Variants in COPB1 observed in about 807,000 individuals in gnomAD.
The protein encoded by COPB1 is coatomer subunit beta.
A neutral mutation model predicts 108.7 loss-of-function variants in COPB1; 21 were observed. The ratio of observed to expected loss-of-function variants is 0.19; its 90% CI spans 0.14 to 0.28. The LOEUF is 0.28. COPB1 is among the 10% of genes least tolerant of loss of function. COPB1 has a pLI of 1.00. For synonymous variants in COPB1, 378 were observed against 386.8 expected (o/e 0.98, Z 0.27); for missense variants, 919 against 1,141.3 (o/e 0.81, Z 2.81).
At chr11:14,485,870 G>T (rs1275260912) in intron 7 of COPB1, among the ~76,000 whole-genome samples, 1 of 152,022 alleles carries the variant, frequency 6.6e-6, no homozygotes, top group Non-Finnish European at 1.5e-5. Flanking sequence ...CCCATATTTT[G>T]TATGTTAAAT....
intron 2 of COPB1, among the ~76,000 whole-genome samples, chr11:14,495,031 A>C (rs1850986090): frequency 6.6e-6 from 1 of 152,194 alleles, no homozygotes; most frequent in African/African-American, 2.4e-5. Context: ...GAAAACTGGG[A>C]GGTAATTCAA....
chr11:14,457,981 T>C, intron 21 of COPB1, 98 bp from the exon 22 acceptor site: 2 of 635,476 alleles, frequency 3.1e-6, no homozygotes, highest in Non-Finnish European at 5.1e-6. Flanking sequence ...AATGACACCA[T>C]TATCAACAAT....
intron 18 of COPB1, among the ~76,000 whole-genome samples, 191 bp from the exon 19 acceptor site, chr11:14,461,522 GTAT>G (rs1477026683): frequency 6.6e-6 from 1 of 152,268 alleles, no homozygotes; most frequent in South Asian, 2.1e-4. Flanking sequence ...AATTCTGATA[GTAT>G]TATTATTTTC....
intron 14 of COPB1, 42 bp from the exon 15 acceptor site, chr11:14,469,605 C>T (rs768055742): frequency 1.3e-6 from 2 of 1,493,820 alleles, no homozygotes; most frequent in East Asian, 2.3e-5. Context: ...TGTCTTGATT[C>T]TCAGATTGCA....
rs1285522756 is a variant in COPB1 at position 14,470,944 on chromosome 11, A to ACACACACTCT, written c.1738-1382_1738-1381insAGAGTGTGTG. 1.3e-3 allele frequency among the ~76,000 whole-genome samples: 120 copies of ACACACACTCT among 90,190 alleles called. 1 individual carries two copies. Among genetic ancestry groups the ACACACACTCT allele is most frequent in the African/African-American group, 4.9e-3 (93 of 19,106 alleles). 59.2% of individuals were successfully genotyped at this position (90,190 alleles called of 152,430 possible). On this transcript the variant is annotated intron_variant, in intron 14 of 21. Coordinates refer to ENST00000439561, the MANE Select transcript of COPB1 (RefSeq NM_001144061.2). ...CACACACACACACACACACACACAC[A>ACACACACTCT]CTCTCTCTCTCTCTACACCCAGGGA... is the stretch of plus-strand genomic sequence containing the variant.
At chr11:14,476,449 C>T (rs990120630) in intron 12 of COPB1, among the ~76,000 whole-genome samples, 15 of 152,146 alleles carry the variant, frequency 9.9e-5, no homozygotes, top group African/African-American at 2.9e-4. Context: ...CAGTCCATTA[C>T]CTAATATAAG....
At chr11:14,477,320 G>T (rs1565017745) in intron 11 of COPB1, among the ~76,000 whole-genome samples, 1 of 136,924 alleles carries the variant, frequency 7.3e-6, no homozygotes, top group Non-Finnish European at 1.5e-5. Context: ...TTCTCGGGAA[G>T]CGGAGCTTGC....
intron 12 of COPB1, among the ~76,000 whole-genome samples, chr11:14,476,454 T>TG (rs1850521660): frequency 6.6e-6 from 1 of 152,232 alleles, no homozygotes; most frequent in African/African-American, 2.4e-5. Flanking sequence ...CATTACCTAA[T>TG]ATAAGAGCAC....
chr11:14,466,539 T>G (rs1186621931), intron 16 of COPB1, 113 bp from the exon 17 acceptor site: 4 of 1,006,498 alleles, frequency 4.0e-6, no homozygotes, highest in Non-Finnish European at 5.7e-6. Flanking sequence ...TAGAAGTCAT[T>G]TTGAGATAGG....
rs766354329 is a variant in COPB1, at chr11:14,466,362, T to C, written c.2210A>G (p.Tyr737Cys). 1.2e-6 allele frequency: 2 copies of C among 1,613,566 alleles called. No homozygotes were observed. Among genetic ancestry groups the C allele is most frequent in the Admixed American group, 1.7e-5 (1 of 60,018 alleles). ...AACAAGTACATCCAGGACAATATCA[T>C]ATTGGTTGACATGAACGTAAGCTTC... Reference protein sequence around the residue: ...YAEAYVHVNQYDIVLDVLVVN... With the variant: ...YAEAYVHVNQCDIVLDVLVVN... Residue 737 changes from tyrosine (Y) to cysteine (C), a missense_variant, in exon 17 of 22, where the codon TAT (tyrosine) becomes TGT (cysteine). By Grantham distance (194) the Tyr-to-Cys change is radical. Coordinates refer to ENST00000439561, the MANE Select transcript of COPB1 (RefSeq NM_001144061.2).
chr11:14,487,656 T>TA (rs1850803983), intron 6 of COPB1, among the ~76,000 whole-genome samples: 1 of 150,504 alleles, frequency 6.6e-6, no homozygotes. Flanking sequence ...GCCTGGGCAA[T>TA]AGAGTGAGAC....
chr11:14,463,746 T>C (rs888173434), intron 18 of COPB1, among the ~76,000 whole-genome samples: 4 of 152,210 alleles, frequency 2.6e-5, no homozygotes, highest in Non-Finnish European at 5.9e-5. Context: ...AGTTTGTTCT[T>C]CTCTCCTGTA....
At chr11:14,489,617 C>T (rs553213030) in intron 5 of COPB1, among the ~76,000 whole-genome samples, 3 of 152,216 alleles carry the variant, frequency 2.0e-5, no homozygotes, top group African/African-American at 7.2e-5. Context: ...GTAAAATAAG[C>T]CAGTCACAAA....
chr11:14,488,079 A>AT (rs1242687593), intron 6 of COPB1, among the ~76,000 whole-genome samples: 7 of 152,240 alleles, frequency 4.6e-5, no homozygotes, highest in African/African-American at 7.2e-5. Context: ...TAATGCATTT[A>AT]AAGTTTTTCT....
intron 18 of COPB1, 131 bp downstream of exon 18, chr11:14,464,780 A>G (rs1850244243): frequency 1.0e-6 from 1 of 983,060 alleles, no homozygotes; most frequent in Non-Finnish European, 1.5e-6. Context: ...GCGTGGTACC[A>G]TAGAGAGTAT....
chr11:14,478,071 AT>A, intron 11 of COPB1, among the ~76,000 whole-genome samples: 1 of 152,268 alleles, frequency 6.6e-6, no homozygotes, highest in Non-Finnish European at 1.5e-5. Flanking sequence ...TTAGATAAAT[AT>A]TTCAGAAAGA....
At position 14,473,455 on chromosome 11, in the gene COPB1, G is replaced by C. The variant is rs554874814; in HGVS notation, c.1737+1040C>G. On this transcript the variant is annotated intron_variant, in intron 14 of 21. Transcript: ENST00000439561. ...TTCTCACTTTTGATTTAAAGTGAAAGACATGTGACTCTTCCCTTCACTTAG... is the reference window on the plus strand; with the variant it reads ...TTCTCACTTTTGATTTAAAGTGAAACACATGTGACTCTTCCCTTCACTTAG... Among the ~76,000 whole-genome samples, 7 of 152,256 alleles carry C rather than the reference G, an allele frequency of 4.6e-5. No homozygotes were observed. In the South Asian group the frequency reaches 1.2e-3, roughly 27 times the overall value.
Position 14,468,869 on chromosome 11 carries a change from AG to A in COPB1, c.1966-10del. On this transcript the variant is annotated splice_polypyrimidine_tract_variant and intron_variant, in intron 15 of 21. Transcript: ENST00000439561. ...CTCTTTTCAGATTCTTTCTGTGTTG[AG>A]AATATAACAAAGTCTCTCTTTAATA... 6.2e-7 allele frequency: 1 copy of A among 1,608,538 alleles called. No homozygotes were observed. Among genetic ancestry groups the A allele is most frequent in the Non-Finnish European group, 8.5e-7 (1 of 1,176,614 alleles).
At chr11:14,490,748 C>A in intron 4 of COPB1, 69 bp from the exon 5 acceptor site, 22 of 746,560 alleles carry the variant, frequency 2.9e-5, no homozygotes, top group Non-Finnish European at 4.1e-5. Flanking sequence ...ACTCTCTGGA[C>A]AATACCAAAA....
Sources: gnomAD v4.1 joint callset for allele counts (sites outside exome capture counted in the v4.1 genomes callset) on GRCh38, gnomAD v4.1.1 for gene constraint, MANE v1.5 for transcripts, NCBI Gene and HGNC (gene_info 2026-07-23, HGNC 2026-07-21) for gene names.